FRMPD4: variants seen among roughly 807,000 people sequenced by gnomAD.
The protein encoded by FRMPD4 is FERM and PDZ domain-containing protein 4.
Under a neutral mutation model 94.1 loss-of-function variants are expected in FRMPD4, and 22 were observed. That is an observed-to-expected ratio of 0.23 (90% CI 0.17 to 0.33). The LOEUF (loss-of-function observed/expected upper bound fraction) is 0.33. Among genes scored for constraint, FRMPD4 ranks in the 10% least tolerant of loss-of-function variants. FRMPD4 has a pLI of 1.00. For missense variants in FRMPD4, 1,111 were observed against 1,339.9 expected (o/e 0.83, Z 2.67); for synonymous variants, 631 against 548.6 (o/e 1.15, Z -2.10).
chrX:12,222,485 C>T (rs1358945335), intron 1 of FRMPD4, among the ~76,000 whole-genome samples: 1 of 111,911 alleles, frequency 8.9e-6, no homozygotes, highest in African/African-American at 3.2e-5. Context: ...AATATTTTGA[C>T]ATCGTTTTTG....
At chrX:12,203,521 T>C (rs1489324824) in intron 1 of FRMPD4, among the ~76,000 whole-genome samples, 1 of 111,971 alleles carries the variant, frequency 8.9e-6, no homozygotes, top group Non-Finnish European at 1.9e-5. Flanking sequence ...GTGATGGTCA[T>C]TGGCAGAATA....
intron 3 of FRMPD4, among the ~76,000 whole-genome samples, chrX:11,978,999 A>AT (rs936568344): frequency 9.0e-6 from 1 of 111,345 alleles, no homozygotes; most frequent in Non-Finnish European, 1.9e-5. Flanking sequence ...TAAAGTATAT[A>AT]TGTAAAAGAA....
At chrX:12,487,389 G>A (rs2057750159) in intron 1 of FRMPD4, among the ~76,000 whole-genome samples, 1 of 112,206 alleles carries the variant, frequency 8.9e-6, no homozygotes, top group African/African-American at 3.2e-5. Context: ...TGGATGGGAA[G>A]TATCTGCAAA....
intron 1 of FRMPD4, among the ~76,000 whole-genome samples, chrX:12,467,346 A>G (rs1173444295): frequency 8.9e-6 from 1 of 112,008 alleles, no homozygotes; most frequent in African/African-American, 3.2e-5. Context: ...TTTACAGCTG[A>G]AGACTGGATT....
At chrX:12,071,561 A>C (rs906169965) in intron 3 of FRMPD4, among the ~76,000 whole-genome samples, 25 of 111,995 alleles carry the variant, frequency 2.2e-4, no homozygotes, top group African/African-American at 8.1e-4. Context: ...CAAGGAGCTT[A>C]CTCAGAGTTG....
intron 1 of FRMPD4, among the ~76,000 whole-genome samples, chrX:12,210,766 A>T (rs186061873): frequency 6.8e-4 from 76 of 111,150 alleles, no homozygotes; most frequent in African/African-American, 2.4e-3. Context: ...AGAAAACCAG[A>T]CAACCTGCAG....
intron 2 of FRMPD4, among the ~76,000 whole-genome samples, chrX:12,567,842 A>G (rs1290957380): frequency 9.0e-6 from 1 of 111,694 alleles, no homozygotes; most frequent in African/African-American, 3.3e-5. Context: ...CTTTTTTCCT[A>G]TATGCATTTT....
intron 1 of FRMPD4, among the ~76,000 whole-genome samples, chrX:12,301,214 C>T (rs748921202): frequency 1.7e-4 from 19 of 111,922 alleles, no homozygotes; most frequent in African/African-American, 4.9e-4. Context: ...CAGCTGGCAT[C>T]GTAGCACCAG....
At chrX:12,547,910 A>G (rs141074835) in intron 2 of FRMPD4, among the ~76,000 whole-genome samples, 2,277 of 112,349 alleles carry the variant, frequency 0.02, 47 homozygotes, top group African/African-American at 0.068. Flanking sequence ...TCTAACTATC[A>G]TGTCCATTTT....
chrX:12,261,456 T>C (rs1187588311), intron 1 of FRMPD4, among the ~76,000 whole-genome samples: 1 of 111,245 alleles, frequency 9.0e-6, no homozygotes, highest in Non-Finnish European at 1.9e-5. Context: ...TCTCAGTGTA[T>C]CTAACCTACC....
intron 3 of FRMPD4, among the ~76,000 whole-genome samples, chrX:12,063,603 A>ATTTTTTTT (rs1383395081): frequency 1.1e-3 from 127 of 112,394 alleles, no homozygotes; most frequent in Non-Finnish European, 2.1e-3. Flanking sequence ...AAGAAAAATA[A>ATTTTTTTT]TTATCCAGGT....
At chrX:12,095,282 G>T (rs995115945) in intron 3 of FRMPD4, among the ~76,000 whole-genome samples, 3 of 108,766 alleles carry the variant, frequency 2.8e-5, no homozygotes, top group Non-Finnish European at 5.7e-5. Context: ...AGAGGCTGTG[G>T]TGGGAGGATC....
intron 2 of FRMPD4, among the ~76,000 whole-genome samples, chrX:12,555,961 A>AT (rs773588922): frequency 5.2e-4 from 57 of 110,326 alleles, no homozygotes; most frequent in Non-Finnish European, 9.5e-4. Context: ...GTTGGAGTGC[A>AT]TTGGTTATTC....
At chrX:12,527,531 G>A (rs1183642356) in intron 2 of FRMPD4, among the ~76,000 whole-genome samples, 2 of 91,235 alleles carry the variant, frequency 2.2e-5, no homozygotes, top group Admixed American at 1.4e-4. Flanking sequence ...TGAAACATAA[G>A]CAAATCACCA....
At chrX:12,633,793 T>C (rs2059418641) in intron 4 of FRMPD4, among the ~76,000 whole-genome samples, 1 of 112,444 alleles carries the variant, frequency 8.9e-6, no homozygotes, top group Non-Finnish European at 1.9e-5. Flanking sequence ...TAAGACTTCA[T>C]TTTTATTTCA....
intron 1 of FRMPD4, among the ~76,000 whole-genome samples, chrX:12,293,799 GT>G (rs1222079629): frequency 8.9e-6 from 1 of 112,485 alleles, no homozygotes; most frequent in East Asian, 2.8e-4. Flanking sequence ...TACAAGCCTA[GT>G]TTTTTGTTCT....
At chrX:12,390,270 A>G (rs2056457493) in intron 1 of FRMPD4, among the ~76,000 whole-genome samples, 1 of 112,424 alleles carries the variant, frequency 8.9e-6, no homozygotes, top group Non-Finnish European at 1.9e-5. Flanking sequence ...GAAAAGAAAA[A>G]TTCTATGAAA....
intron 3 of FRMPD4, among the ~76,000 whole-genome samples, chrX:12,013,187 C>G (rs143015327): frequency 2.5e-4 from 28 of 112,029 alleles, no homozygotes; most frequent in African/African-American, 9.1e-4. Flanking sequence ...TCTTTACAAT[C>G]ACAAGCTTAG....
At chrX:12,719,476 G>A (rs1448769776) in intron 16 of FRMPD4, among the ~76,000 whole-genome samples, 13 of 112,397 alleles carry the variant, frequency 1.2e-4, no homozygotes, top group Middle Eastern at 4.6e-3. Flanking sequence ...TCCCCTCACC[G>A]ATCCACTTGG....
Sources: allele counts gnomAD v4.1 joint callset (sites outside exome capture counted in the v4.1 genomes callset), GRCh38; gene constraint gnomAD v4.1.1; transcripts MANE v1.5; gene names NCBI Gene and HGNC (gene_info 2026-07-23, HGNC 2026-07-21).